Variants in DLG2 observed in about 807,000 individuals in gnomAD.
DLG2 encodes the protein discs large MAGUK scaffold protein 2.
Under a neutral mutation model 132.5 loss-of-function variants are expected in DLG2, and 45 were observed. The ratio of observed to expected loss-of-function variants is 0.34; its 90% CI spans 0.27 to 0.44. The LOEUF (loss-of-function observed/expected upper bound fraction) is 0.44. Ranked by LOEUF, DLG2 falls within the 20% of genes least tolerant of loss-of-function variation. The pLI is 1.00. For missense variants in DLG2, 1,045 were observed against 1,196.9 expected (o/e 0.87, Z 1.87); for synonymous variants, 424 against 419.6 (o/e 1.01, Z -0.13).
At chr11:84,788,352 A>G (rs903236169) in intron 6 of DLG2, among the ~76,000 whole-genome samples, 1 of 152,086 alleles carries the variant, frequency 6.6e-6, no homozygotes, top group African/African-American at 2.4e-5. Flanking sequence ...GGAACACAAC[A>G]GGTGTTCAAA....
chr11:85,467,196 A>G (rs948160081), intron 3 of DLG2, among the ~76,000 whole-genome samples: 3 of 152,194 alleles, frequency 2.0e-5, no homozygotes, highest in Non-Finnish European at 4.4e-5. Context: ...CTATCAGCTT[A>G]AGGAGATTTT....
At chr11:85,472,638 C>T (rs2093021607) in intron 3 of DLG2, among the ~76,000 whole-genome samples, 1 of 152,202 alleles carries the variant, frequency 6.6e-6, no homozygotes, top group Admixed American at 6.5e-5. Flanking sequence ...CTCCACCTTG[C>T]TCACTCTTTG....
chr11:85,551,254 G>A (rs2076647233), intron 3 of DLG2, among the ~76,000 whole-genome samples: 1 of 152,074 alleles, frequency 6.6e-6, no homozygotes, highest in Non-Finnish European at 1.5e-5. Flanking sequence ...AGAAATATGA[G>A]AAGCAGAATG....
chr11:83,485,502 C>T (rs959580706), intron 21 of DLG2, among the ~76,000 whole-genome samples: 8 of 152,124 alleles, frequency 5.3e-5, no homozygotes, highest in African/African-American at 1.7e-4. Flanking sequence ...AAATTAAAAT[C>T]ACTCCCCAAG....
At chr11:83,538,833 T>C (rs1201959564) in intron 20 of DLG2, among the ~76,000 whole-genome samples, 1 of 152,200 alleles carries the variant, frequency 6.6e-6, no homozygotes, top group Non-Finnish European at 1.5e-5. Flanking sequence ...AGTGATGGGC[T>C]CCAGGTAGTG....
At chr11:83,591,229 G>A (rs1006002727) in intron 19 of DLG2, among the ~76,000 whole-genome samples, 5 of 139,854 alleles carry the variant, frequency 3.6e-5, no homozygotes, top group Non-Finnish European at 7.7e-5. Context: ...GAACATTGAT[G>A]CAAAAATCCT....
At chr11:84,193,554 C>T (rs2096456629) in intron 8 of DLG2, among the ~76,000 whole-genome samples, 1 of 152,194 alleles carries the variant, frequency 6.6e-6, no homozygotes, top group African/African-American at 2.4e-5. Context: ...AAAGCTAATG[C>T]AACTAATTCT....
chr11:85,065,145 T>C, intron 6 of DLG2, among the ~76,000 whole-genome samples: 1 of 151,426 alleles, frequency 6.6e-6, no homozygotes, highest in Non-Finnish European at 1.5e-5. Flanking sequence ...GTTCTAAACA[T>C]TTCTTTAGTA....
At chr11:84,005,801 T>G (rs566940244) in intron 11 of DLG2, among the ~76,000 whole-genome samples, 1 of 151,734 alleles carries the variant, frequency 6.6e-6, no homozygotes, top group African/African-American at 2.4e-5. Context: ...GAATGGCTAT[T>G]ATTAAAAAGA....
chr11:84,290,755 G>A (rs1010130944), intron 7 of DLG2, among the ~76,000 whole-genome samples: 3 of 152,094 alleles, frequency 2.0e-5, no homozygotes, highest in African/African-American at 7.2e-5. Context: ...AATTTTGTCT[G>A]TCTCCAAAGA....
chr11:84,793,310 G>A, intron 6 of DLG2, among the ~76,000 whole-genome samples: 1 of 152,282 alleles, frequency 6.6e-6, no homozygotes, highest in Middle Eastern at 3.4e-3. Flanking sequence ...TTTAAGGCTT[G>A]TTTTGTGACC....
At chr11:83,847,946 A>G (rs1453401007) in intron 16 of DLG2, among the ~76,000 whole-genome samples, 1 of 152,150 alleles carries the variant, frequency 6.6e-6, no homozygotes, top group Non-Finnish European at 1.5e-5. Flanking sequence ...TTTGCCCAAT[A>G]TCGTAGCTAC....
chr11:84,390,721 T>C (rs1055847251), intron 7 of DLG2, among the ~76,000 whole-genome samples: 1 of 152,182 alleles, frequency 6.6e-6, no homozygotes, highest in East Asian at 1.9e-4. Flanking sequence ...CTGTGGGGAA[T>C]TTATTTCATA....
chr11:83,937,507 C>CAAAAA (rs11313794), intron 14 of DLG2, among the ~76,000 whole-genome samples: 5 of 73,768 alleles, frequency 6.8e-5, no homozygotes, highest in Admixed American at 1.7e-4. Flanking sequence ...GACTCCATCT[C>CAAAAA]AAAAAAAAAA....
rs528325745 is a variant in DLG2 at position 84,875,635 on chromosome 11, C to A, written c.357+236026G>T. ...GTTTTTTGCCATTATTACCTATCAT[C>A]ATCAATCAAGAAGATAGCAATATTT... On this transcript the variant is annotated intron_variant, in intron 6 of 27. Transcript: ENST00000376104. 9.2e-5 allele frequency among the ~76,000 whole-genome samples: 14 copies of A among 152,290 alleles called. No homozygotes were observed. The East Asian group carries it at 2.5e-3, about 27-fold the overall frequency.
At chr11:83,888,582 C>G (rs1262747956) in intron 15 of DLG2, among the ~76,000 whole-genome samples, 2 of 152,126 alleles carry the variant, frequency 1.3e-5, no homozygotes, top group Non-Finnish European at 1.5e-5. Flanking sequence ...ACTTTCTTCA[C>G]AGAATTGGAA....
intron 3 of DLG2, among the ~76,000 whole-genome samples, chr11:85,556,035 T>C (rs1312697046): frequency 6.6e-6 from 1 of 151,774 alleles, no homozygotes; most frequent in East Asian, 1.9e-4. Flanking sequence ...TATTGATCTA[T>C]TGTCAGTCAT....
intron 6 of DLG2, among the ~76,000 whole-genome samples, chr11:84,994,537 G>C (rs1254951824): frequency 6.6e-6 from 1 of 152,048 alleles, no homozygotes; most frequent in Non-Finnish European, 1.5e-5. Flanking sequence ...TTATGTACCA[G>C]TATATGAAAA....
intron 6 of DLG2, among the ~76,000 whole-genome samples, chr11:84,898,595 A>G (rs1273857815): frequency 9.2e-5 from 14 of 151,916 alleles, no homozygotes; most frequent in Non-Finnish European, 2.1e-4. Flanking sequence ...CCCACTTAAT[A>G]TTTCTGGAAA....
Sources: gnomAD v4.1 joint callset for allele counts (sites outside exome capture counted in the v4.1 genomes callset) on GRCh38, gnomAD v4.1.1 for gene constraint, MANE v1.5 for transcripts, NCBI Gene and HGNC (gene_info 2026-07-23, HGNC 2026-07-21) for gene names.